GSDME: variants seen among roughly 807,000 people sequenced by gnomAD.
The protein encoded by GSDME is gasdermin-E.
Under a neutral mutation model 47.5 loss-of-function variants are expected in GSDME, and 44 were observed. The observed-to-expected ratio is 0.93, with a 90% CI of 0.73 to 1.19. The LOEUF (loss-of-function observed/expected upper bound fraction) is 1.19, where lower values mean the gene tolerates loss of function less well. GSDME is among the 50% of genes most tolerant of loss of function. The pLI is 0.00. For synonymous variants in GSDME, 258 were observed against 252.8 expected, an observed-to-expected ratio of 1.02 and a Z score of -0.20; for missense variants, 663 against 604.2, an observed-to-expected ratio of 1.10 and a Z score of -1.02.
chr7:24,733,945 G>C lies in GSDME; in HGVS notation c.404+10617C>G, dbSNP rs934417317. On this transcript the variant is annotated intron_variant, in intron 3 of 9. Transcript: ENST00000645220. This position sits in a 1 kb window ranked among gnomAD's most constrained non-coding sequence, Gnocchi z 4.3. ...GGGCCTTGAGCAAACATAGGCAGTA[G>C]CCAGGTAGTGGTTACAACAGGCCTT... Among the ~76,000 whole-genome samples, 1 of 152,208 alleles carries C rather than the reference G, an allele frequency of 6.6e-6. No individual in the cohort carries two copies. The highest frequency in any genetic ancestry group is 1.5e-5 in the Non-Finnish European group (1 of 68,038).
rs536068029 is a variant in GSDME at position 24,739,819 on chromosome 7, G to C, written c.404+4743C>G. On this transcript the variant is annotated intron_variant, in intron 3 of 9. Transcript: ENST00000645220. This position sits in a 1 kb window ranked among gnomAD's most constrained non-coding sequence, Gnocchi z 5.1. ...AAAAAAGAGTAAGATCCTGGGCTGG[G>C]CGCAGTGGCTCACGCCCATAATCCT... 7.9e-5 allele frequency among the ~76,000 whole-genome samples: 12 copies of C among 152,290 alleles called. No homozygotes were observed. The East Asian group carries it at 2.1e-3, about 27-fold the overall frequency.
intron 3 of GSDME, among the ~76,000 whole-genome samples, chr7:24,729,631 G>A (rs1790079583): frequency 1.3e-5 from 2 of 152,262 alleles, no homozygotes; most frequent in African/African-American, 4.8e-5. Context: ...CCTCTGTGCA[G>A]ACAGGAGGAG....
In GSDME at chr7:24,706,168, T is replaced by C. The variant is rs2128047661; in HGVS notation, c.1183+16A>G. On this transcript the variant is annotated intron_variant, in intron 8 of 9. Transcript: ENST00000645220. ...AAGCAGCAGCAGCCATTTCTTTCAT[T>C]TTCTTTTCTCCTTACCTGCGAGGGC... 3.7e-6 allele frequency: 6 copies of C among 1,614,148 alleles called. No individual in the cohort carries two copies. The highest frequency in any genetic ancestry group is 5.1e-6 in the Non-Finnish European group (6 of 1,179,990).
At position 24,744,777 on chromosome 7, in the gene GSDME, A is replaced by C; in HGVS notation, c.212-23T>G. ...CCACTGGAATGGAGGAGACGAGCAG[A>C]GGAAGCCGATGATGATAAGGCCACC... On this transcript the variant is annotated intron_variant, in intron 2 of 9. Transcript: ENST00000645220. This position sits in a 1 kb window ranked among gnomAD's most constrained non-coding sequence, Gnocchi z 4.5. 2 of 1,613,436 alleles carry C rather than the reference A, an allele frequency of 1.2e-6. No homozygotes were observed. Among genetic ancestry groups the C allele is most frequent in the Non-Finnish European group, 1.7e-6 (2 of 1,179,772 alleles).
chr7:24,700,229 C>A (rs1788809532), intron 9 of GSDME, among the ~76,000 whole-genome samples: 1 of 152,098 alleles, frequency 6.6e-6, no homozygotes, highest in Admixed American at 6.5e-5. Flanking sequence ...GTCTGCCGTG[C>A]CTACAACACA....
At chr7:24,793,091 T>C in the GSDME span, among the ~76,000 whole-genome samples, 4 of 152,334 alleles carry the variant, frequency 2.6e-5, no homozygotes, top group South Asian at 8.3e-4. Flanking sequence ...TATTTGACAA[T>C]GCTTCCTGTA....
At chr7:24,770,602 C>T in the GSDME span, among the ~76,000 whole-genome samples, 2 of 151,994 alleles carry the variant, frequency 1.3e-5, no homozygotes, top group Admixed American at 6.6e-5. The surrounding 1 kb of genome is among the most constrained non-coding windows in gnomAD (Gnocchi z 4.6). Flanking sequence ...AATTGTTGAA[C>T]GCCCAGCTGG....
intron 1 of GSDME, among the ~76,000 whole-genome samples, chr7:24,750,224 G>A (rs1790811917): frequency 6.6e-6 from 1 of 152,154 alleles, no homozygotes; most frequent in Admixed American, 6.5e-5. Context: ...TAAATGATCT[G>A]GCCCCAAAGT....
At position 24,710,330 on chromosome 7, in the gene GSDME, A is replaced by G. The variant is rs774521410; in HGVS notation, c.756T>C (p.Ser252=). ...GAAAGACCAGGGGGTCCAGGTAGAC[A>G]GAGTCAATTCTCTTCTTGTTCTCGA... ...GGFENKKRID[S]VYLDPLVFRE... The change falls in exon 6 of 10, where the codon TCT becomes TCC. Residue 252 remains serine, a synonymous_variant. Coordinates refer to ENST00000645220, the MANE Select transcript of GSDME (RefSeq NM_001127453.2). 13 of 1,614,142 alleles carry G rather than the reference A, an allele frequency of 8.1e-6. No homozygotes were observed. In the South Asian group the frequency reaches 9.9e-5, roughly 12 times the overall value.
At chr7:24,706,143 A>AAGC in intron 8 of GSDME, 41 bp downstream of exon 8, 2 of 1,609,474 alleles carry the variant, frequency 1.2e-6, no homozygotes, top group South Asian at 1.1e-5. Flanking sequence ...AAGCATTTTA[A>AAGC]AGCAGCAGCA....
At chr7:24,791,768 A>G in the GSDME span, among the ~76,000 whole-genome samples, 3 of 152,086 alleles carry the variant, frequency 2.0e-5, no homozygotes, top group South Asian at 2.1e-4. The surrounding 1 kb of genome is among the most constrained non-coding windows in gnomAD (Gnocchi z 4.8). Context: ...ACCACCAGAC[A>G]TCCTCTCGGG....
rs538522961 is a variant in GSDME, at chr7:24,733,345, G to A, written c.404+11217C>T. On this transcript the variant is annotated intron_variant, in intron 3 of 9. Coordinates refer to ENST00000645220, the MANE Select transcript of GSDME (RefSeq NM_001127453.2). This position sits in a 1 kb window ranked among gnomAD's most constrained non-coding sequence, Gnocchi z 4.3. Reference sequence around the variant, plus strand: ...ACCCAGCTGTGGTCAGGTGTGACTCGGCACTTTCACAGCTGTGCTGGCTAT... The same window carrying A: ...ACCCAGCTGTGGTCAGGTGTGACTCAGCACTTTCACAGCTGTGCTGGCTAT... 1.4e-4 allele frequency among the ~76,000 whole-genome samples: 22 copies of A among 152,154 alleles called. No individual in the cohort carries two copies. Among genetic ancestry groups the A allele is most frequent in the South Asian group, 6.2e-4 (3 of 4,812 alleles).
In GSDME at chr7:24,744,854, C is replaced by G; in HGVS notation, c.212-100G>C. ...CAAGCCTGTGCAGAGCCCCGGAAAG[C>G]AGAAGGCTGGCACTCAGATGGAAAG... On this transcript the variant is annotated intron_variant, in intron 2 of 9. Transcript: ENST00000645220. The surrounding 1 kb of genome is among the most constrained non-coding windows in gnomAD (Gnocchi z 4.5). 7.5e-7 allele frequency: 1 copy of G among 1,337,116 alleles called. No individual in the cohort carries two copies. Among genetic ancestry groups the G allele is most frequent in the Non-Finnish European group, 1.0e-6 (1 of 954,558 alleles). 82.8% of individuals were successfully genotyped at this position (1,337,116 alleles called of 1,614,324 possible). A position where few individuals can be genotyped will look rare whatever the true frequency, so the allele number is the denominator to read the frequency against.
chr7:24,794,038 T>C, the GSDME span, among the ~76,000 whole-genome samples: 2 of 152,258 alleles, frequency 1.3e-5, no homozygotes, highest in Admixed American at 6.5e-5. Flanking sequence ...TGGAGTGTTA[T>C]ATGATCACGG....
In GSDME at chr7:24,706,383, G is replaced by C; in HGVS notation, c.991-7C>G. 1 of 1,611,696 alleles carries C rather than the reference G, an allele frequency of 6.2e-7. No homozygotes were observed. Among genetic ancestry groups the C allele is most frequent in the Non-Finnish European group, 8.5e-7 (1 of 1,179,618 alleles). ...CGCTGACCAGGTCATCGCACTGTAG[G>C]GCAGGGAAGAAGAAGGGTCATGACA... On this transcript the variant is annotated splice_region_variant and splice_polypyrimidine_tract_variant and intron_variant, in intron 7 of 9. Coordinates refer to ENST00000645220, the MANE Select transcript of GSDME (RefSeq NM_001127453.2).
the GSDME span, among the ~76,000 whole-genome samples, chr7:24,774,457 T>G: frequency 6.6e-6 from 1 of 151,808 alleles, no homozygotes; most frequent in South Asian, 2.1e-4. Flanking sequence ...CACGTCTGGC[T>G]TTAAGATCCT....
chr7:24,733,795 A>C lies in GSDME; in HGVS notation c.404+10767T>G, dbSNP rs183969415. 3.3e-5 allele frequency among the ~76,000 whole-genome samples: 5 copies of C among 152,130 alleles called. No individual in the cohort carries two copies. Among genetic ancestry groups the C allele is most frequent in the Admixed American group, 6.5e-5 (1 of 15,286 alleles). ...ACCACATAGATTTCTAAGGTTTCCA[A>C]CTCGAGGCCCTGACTCCTGGACAGC... On this transcript the variant is annotated intron_variant, in intron 3 of 9. Transcript: ENST00000645220. This position sits in a 1 kb window ranked among gnomAD's most constrained non-coding sequence, Gnocchi z 4.3.
chr7:24,779,498 G>GGTGTGTGTGTGTGTGT, the GSDME span, among the ~76,000 whole-genome samples: 1,629 of 143,102 alleles, frequency 0.011, 44 homozygotes, highest in African/African-American at 0.038. The surrounding 1 kb of genome is among the most constrained non-coding windows in gnomAD (Gnocchi z 6.0). Flanking sequence ...AGTGATACAT[G>GGTGTGTGTGTGTGTGT]GTGTGTGTGT....
In GSDME at chr7:24,736,961, C is replaced by T. The variant is rs1299456032; in HGVS notation, c.404+7601G>A. The stretch of plus-strand genomic sequence containing the variant: ...AAGAAAAATTGAAATTTTATTGAAA[C>T]AAATGATAACAGAAACACAACAGCA... On this transcript the variant is annotated intron_variant, in intron 3 of 9. Coordinates refer to ENST00000645220, the MANE Select transcript of GSDME (RefSeq NM_001127453.2). This position sits in a 1 kb window ranked among gnomAD's most constrained non-coding sequence, Gnocchi z 4.6. Among the ~76,000 whole-genome samples, 3 of 151,958 alleles carry T rather than the reference C, an allele frequency of 2.0e-5. No homozygotes were observed. Among genetic ancestry groups the T allele is most frequent in the African/African-American group, 4.8e-5 (2 of 41,404 alleles).
Sources: gnomAD v4.1 joint callset for allele counts (sites outside exome capture counted in the v4.1 genomes callset) on GRCh38, gnomAD v4.1.1 for gene constraint, Gnocchi (gnomAD v3.1) non-coding constraint, MANE v1.5 for transcripts, NCBI Gene and HGNC (gene_info 2026-07-23, HGNC 2026-07-21) for gene names.